FRMPD4: variants seen among roughly 807,000 people sequenced by gnomAD.
FRMPD4 encodes FERM and PDZ domain containing 4.
Under a neutral mutation model 94.1 loss-of-function variants are expected in FRMPD4, and 22 were observed. That is an observed-to-expected ratio of 0.23 (90% CI 0.17 to 0.33). The LOEUF (loss-of-function observed/expected upper bound fraction) is 0.33. Ranked by LOEUF, FRMPD4 falls within the 10% of genes least tolerant of loss-of-function variation. The pLI, the probability that FRMPD4 is intolerant of heterozygous loss-of-function variation, is 1.00. For missense variants in FRMPD4, 1,111 were observed against 1,339.9 expected (o/e 0.83, Z 2.67); for synonymous variants, 631 against 548.6 (o/e 1.15, Z -2.10).
In FRMPD4 at chrX:12,429,547, C is replaced by T. The variant is rs137997722; in HGVS notation, c.42-69133C>T. 6.2e-3 allele frequency among the ~76,000 whole-genome samples: 691 copies of T among 111,779 alleles called. 4 individuals carry two copies. The highest frequency in any genetic ancestry group is 0.022 in the African/African-American group (664 of 30,685). On this transcript the variant is annotated intron_variant, in intron 1 of 16. Coordinates refer to ENST00000675598, the MANE Select transcript of FRMPD4 (RefSeq NM_001368397.1). Reference sequence around the variant, plus strand: ...TCTCCTCCGTGCTAACTTTATTTGGCTTTCTTTCCATTCTTTCTGTAGTTG... The same window carrying T: ...TCTCCTCCGTGCTAACTTTATTTGGTTTTCTTTCCATTCTTTCTGTAGTTG...
intron 3 of FRMPD4, among the ~76,000 whole-genome samples, chrX:11,919,671 G>A (rs1049952582): frequency 2.5e-4 from 28 of 111,726 alleles, no homozygotes; most frequent in African/African-American, 6.8e-4. Flanking sequence ...GAGCTCCACC[G>A]TGAAAACTAG....
intron 1 of FRMPD4, among the ~76,000 whole-genome samples, chrX:12,400,229 A>G (rs1203654189): frequency 1.8e-5 from 2 of 112,295 alleles, no homozygotes; most frequent in African/African-American, 6.5e-5. Context: ...TTAACCTTCA[A>G]TGAGATTTTT....
chrX:12,715,998 G>GCCGGGGGGGGCC, intron 14 of FRMPD4, 71 bp from the exon 15 acceptor site: 1 of 383,855 alleles, frequency 2.6e-6, no homozygotes, highest in Non-Finnish European at 4.7e-6. Flanking sequence ...ACAGAGACGA[G>GCCGGGGGGGGCC]CCTCCCACCC....
At chrX:12,177,595 C>T (rs1239586337) in intron 1 of FRMPD4, among the ~76,000 whole-genome samples, 1 of 112,098 alleles carries the variant, frequency 8.9e-6, no homozygotes, top group South Asian at 3.7e-4. Flanking sequence ...GTGTAATGAA[C>T]GTATTTAACC....
chrX:12,066,667 T>C (rs2054922210), intron 3 of FRMPD4, among the ~76,000 whole-genome samples: 1 of 110,090 alleles, frequency 9.1e-6, no homozygotes, highest in Non-Finnish European at 1.9e-5. Context: ...TCATATATTG[T>C]AGACCACCTA....
At chrX:12,443,771 T>C (rs2057164244) in intron 1 of FRMPD4, among the ~76,000 whole-genome samples, 1 of 112,015 alleles carries the variant, frequency 8.9e-6, no homozygotes, top group Non-Finnish European at 1.9e-5. Flanking sequence ...AAAGTAAATG[T>C]GGGACGCAGA....
At chrX:12,655,689 A>G (rs752897252) in intron 4 of FRMPD4, among the ~76,000 whole-genome samples, 15 of 112,297 alleles carry the variant, frequency 1.3e-4, no homozygotes, top group Non-Finnish European at 2.8e-4. Flanking sequence ...TGAAATTTTG[A>G]TATTTAACTT....
chrX:12,294,485 C>CACACACACACACACACAGAGAG (rs34874624), intron 1 of FRMPD4, among the ~76,000 whole-genome samples: 1 of 92,077 alleles, frequency 1.1e-5, no homozygotes, highest in African/African-American at 4.0e-5. Context: ...CACACACACA[C>CACACACACACACACACAGAGAG]AGAGAGAGAG....
chrX:12,304,040 G>A (rs1350596950), intron 1 of FRMPD4, among the ~76,000 whole-genome samples: 1 of 111,962 alleles, frequency 8.9e-6, no homozygotes, highest in Non-Finnish European at 1.9e-5. Context: ...TGTCATCTAG[G>A]CAATTAGAGA....
At chrX:12,543,710 C>T (rs2058443061) in intron 2 of FRMPD4, among the ~76,000 whole-genome samples, 1 of 111,320 alleles carries the variant, frequency 9.0e-6, no homozygotes, top group South Asian at 3.8e-4. Context: ...CTAGAAATAC[C>T]ATTTGACCCA....
At chrX:12,180,969 T>C (rs1237404527) in intron 1 of FRMPD4, among the ~76,000 whole-genome samples, 4 of 112,006 alleles carry the variant, frequency 3.6e-5, no homozygotes, top group Non-Finnish European at 7.5e-5. Flanking sequence ...TGCTGGCTGG[T>C]TGGGTTGAGC....
At chrX:12,571,544 C>T (rs1046073398) in intron 2 of FRMPD4, among the ~76,000 whole-genome samples, 1 of 112,357 alleles carries the variant, frequency 8.9e-6, no homozygotes, top group Non-Finnish European at 1.9e-5. Flanking sequence ...GTAATTCTGT[C>T]CCATAATTGT....
intron 1 of FRMPD4, among the ~76,000 whole-genome samples, chrX:12,305,660 C>T (rs934485178): frequency 1.9e-5 from 2 of 104,259 alleles, no homozygotes; most frequent in Non-Finnish European, 3.9e-5. Context: ...TGAGCTGAGG[C>T]GATCCTCTTT....
intron 1 of FRMPD4, among the ~76,000 whole-genome samples, chrX:11,841,311 G>A (rs2053535162): frequency 9.0e-6 from 1 of 110,765 alleles, no homozygotes; most frequent in South Asian, 3.8e-4. Context: ...AGGTCCCTGA[G>A]GAATCGCCAC....
chrX:12,184,140 T>A (rs1386251053), intron 1 of FRMPD4, among the ~76,000 whole-genome samples: 2 of 110,966 alleles, frequency 1.8e-5, no homozygotes, highest in East Asian at 5.7e-4. Context: ...GCAACACTGA[T>A]TTTTTTTAAA....
chrX:12,465,910 T>C (rs11796332), intron 1 of FRMPD4, among the ~76,000 whole-genome samples: 30,877 of 110,944 alleles, frequency 0.28, 3,155 homozygotes, highest in Non-Finnish European at 0.3. Context: ...TGGATAACTT[T>C]TGCTGTTAGA....
intron 3 of FRMPD4, among the ~76,000 whole-genome samples, chrX:12,081,889 TCAGA>T (rs1331102287): frequency 8.0e-5 from 9 of 111,967 alleles, no homozygotes; most frequent in Non-Finnish European, 1.9e-5. Flanking sequence ...GTGACATTAT[TCAGA>T]CAGTCAGTGA....
At chrX:11,926,211 C>T (rs2054086914) in intron 3 of FRMPD4, among the ~76,000 whole-genome samples, 1 of 99,068 alleles carries the variant, frequency 1.0e-5, no homozygotes, top group Admixed American at 1.1e-4. Flanking sequence ...CCTGAACAGA[C>T]CAGTAATGAG....
intron 1 of FRMPD4, among the ~76,000 whole-genome samples, chrX:11,847,151 C>G (rs2053582223): frequency 9.0e-6 from 1 of 111,452 alleles, no homozygotes; most frequent in Non-Finnish European, 1.9e-5. Context: ...GGGCTAATAT[C>G]CAGAATGTAC....
Sources: allele counts gnomAD v4.1 joint callset (sites outside exome capture counted in the v4.1 genomes callset), GRCh38; gene constraint gnomAD v4.1.1; transcripts MANE v1.5; gene names NCBI Gene and HGNC (gene_info 2026-07-23, HGNC 2026-07-21).